RBFOX1: variants seen among roughly 807,000 people sequenced by gnomAD.
The protein encoded by RBFOX1 is RNA binding fox-1 homolog 1.
RBFOX1 carries 8 observed loss-of-function variants against 57.7 expected under a neutral mutation model. The observed-to-expected ratio is 0.14, with a 90% confidence interval of 0.08 to 0.25. The LOEUF is 0.25. Among genes scored for constraint, RBFOX1 ranks in the 10% least tolerant of loss-of-function variants. The probability of loss-of-function intolerance (pLI) is 1.00; values close to 1 mark genes in which losing one functional copy is unlikely to be tolerated. For missense variants in RBFOX1, 611 were observed against 548.5 expected (o/e 1.11, Z -1.14); for synonymous variants, 326 against 222.4 (o/e 1.47, Z -4.15).
rs1048078392 is a variant in RBFOX1 at position 6,240,363 on chromosome 16, G to A, written c.-126-76632G>A. On this transcript the variant is annotated intron_variant, in intron 1 of 15. Coordinates refer to ENST00000550418, the MANE Select transcript of RBFOX1 (RefSeq NM_018723.4). ...AGGTAGTTCTTCAGCTTATCTTAAA[G>A]TAACTGTTGGCTTTCATCTCTGGAT... Among the ~76,000 whole-genome samples, 3 of 152,136 alleles carry A rather than the reference G, an allele frequency of 2.0e-5. No individual in the cohort carries two copies. The East Asian group carries it at 5.8e-4, about 29-fold the overall frequency.
chr16:6,539,887 G>C (rs1209956085), intron 2 of RBFOX1, among the ~76,000 whole-genome samples: 1 of 147,474 alleles, frequency 6.8e-6, no homozygotes, highest in African/African-American at 2.5e-5. Flanking sequence ...TTTTGCTTCT[G>C]CATGAACTTT....
chr16:7,050,231 T>G (rs916786137), intron 3 of RBFOX1, among the ~76,000 whole-genome samples: 10 of 151,058 alleles, frequency 6.6e-5, no homozygotes, highest in African/African-American at 2.4e-4. Flanking sequence ...AGTCTTTTCC[T>G]CTTTAGCTTC....
intron 4 of RBFOX1, among the ~76,000 whole-genome samples, chr16:7,092,333 C>T (rs895772393): frequency 2.6e-5 from 4 of 152,134 alleles, no homozygotes; most frequent in African/African-American, 9.7e-5. Context: ...ATTTCAGATA[C>T]ATTAAAATGT....
intron 4 of RBFOX1, among the ~76,000 whole-genome samples, chr16:7,417,656 C>T (rs561341087): frequency 6.6e-6 from 1 of 152,130 alleles, no homozygotes; most frequent in Non-Finnish European, 1.5e-5. Flanking sequence ...CTAGGCTCTA[C>T]TCTTTCGTCC....
At chr16:6,652,232 C>G (rs930390773) in intron 2 of RBFOX1, among the ~76,000 whole-genome samples, 1 of 152,136 alleles carries the variant, frequency 6.6e-6, no homozygotes, top group African/African-American at 2.4e-5. Flanking sequence ...GGGCAGATCA[C>G]TAGGTCAAGA....
chr16:5,702,514 G>C (rs1182026440), intron 3 of RBFOX1, among the ~76,000 whole-genome samples: 2 of 152,226 alleles, frequency 1.3e-5, no homozygotes, highest in South Asian at 2.1e-4. Flanking sequence ...AAGGATAATT[G>C]CTGTGCAGAT....
intron 1 of RBFOX1, among the ~76,000 whole-genome samples, chr16:5,264,957 T>C (rs1013098640): frequency 3.3e-5 from 5 of 152,170 alleles, no homozygotes; most frequent in African/African-American, 4.8e-5. Flanking sequence ...GAGTTGTTAT[T>C]GCAGCAAAAC....
At chr16:6,105,015 A>C (rs1165920549) in intron 1 of RBFOX1, among the ~76,000 whole-genome samples, 3 of 152,194 alleles carry the variant, frequency 2.0e-5, no homozygotes, top group Non-Finnish European at 2.9e-5. Flanking sequence ...AGAATGGCTA[A>C]TTTGTTGCTT....
At chr16:5,699,998 A>G (rs1009320998) in intron 3 of RBFOX1, among the ~76,000 whole-genome samples, 8 of 151,836 alleles carry the variant, frequency 5.3e-5, no homozygotes, top group Non-Finnish European at 8.8e-5. Context: ...ACGCCCGGCT[A>G]ATTTTTTGTA....
At chr16:6,601,872 G>C (rs1412838476) in intron 2 of RBFOX1, among the ~76,000 whole-genome samples, 1 of 152,202 alleles carries the variant, frequency 6.6e-6, no homozygotes, top group African/African-American at 2.4e-5. Context: ...GGATGTTAAA[G>C]AGAGGGGTTA....
chr16:7,155,491 G>T (rs1474650751), intron 4 of RBFOX1, among the ~76,000 whole-genome samples: 4 of 151,330 alleles, frequency 2.6e-5, no homozygotes, highest in Non-Finnish European at 5.9e-5. Flanking sequence ...AGCTCCTTGG[G>T]AGGCTAAAAT....
chr16:5,956,724 A>C (rs2059651230), intron 4 of RBFOX1, among the ~76,000 whole-genome samples: 1 of 139,578 alleles, frequency 7.2e-6, no homozygotes, highest in Non-Finnish European at 1.5e-5. Context: ...GCTGGAGTGC[A>C]CTGGCACAAT....
rs1037895771 is a variant in RBFOX1 at position 6,667,257 on chromosome 16, G to T, written c.-16+12607G>T. ...CACCCTCAGCAGTGCCATGGACACA[G>T]TGGTAACCCAGAGAGTGTAATGAAA... On this transcript the variant is annotated intron_variant, in intron 3 of 15. Transcript: ENST00000550418. Among the ~76,000 whole-genome samples, 10 of 152,288 alleles carry T rather than the reference G, an allele frequency of 6.6e-5. 1 individual carries two copies. In the Middle Eastern group the frequency reaches 0.01, roughly 155 times the overall value.
intron 14 of RBFOX1, among the ~76,000 whole-genome samples, chr16:7,684,250 G>T (rs1405119585): frequency 6.6e-6 from 1 of 151,980 alleles, no homozygotes; most frequent in Non-Finnish European, 1.5e-5. Context: ...ACAATGCTTG[G>T]TTCCTGTGGA....
chr16:7,495,018 T>C (rs922740648), intron 4 of RBFOX1, among the ~76,000 whole-genome samples: 4 of 152,172 alleles, frequency 2.6e-5, no homozygotes, highest in African/African-American at 9.7e-5. Flanking sequence ...CCCTTATTTA[T>C]GACCGTGTGT....
At position 7,195,282 on chromosome 16, in the gene RBFOX1, C is replaced by T. The variant is rs1239655724; in HGVS notation, c.27+143184C>T. On this transcript the variant is annotated intron_variant, in intron 4 of 15. Coordinates refer to ENST00000550418, the MANE Select transcript of RBFOX1 (RefSeq NM_018723.4). ...CCTCATTCTCTTAAATTAATTTCAT[C>T]ACACAGGCTTGCAAAATAAGGCTTC... Among the ~76,000 whole-genome samples the T allele has an allele frequency of 2.6e-5, 4 of 152,158 alleles. No homozygotes were observed. The East Asian group carries it at 5.8e-4, about 22-fold the overall frequency.
intron 3 of RBFOX1, among the ~76,000 whole-genome samples, chr16:6,917,348 A>T (rs562448314): frequency 6.6e-6 from 1 of 152,232 alleles, no homozygotes; most frequent in Admixed American, 6.5e-5. Context: ...TGAAATCAGT[A>T]TATGGGATTG....
chr16:6,911,674 A>G (rs772392568), intron 3 of RBFOX1, among the ~76,000 whole-genome samples: 1 of 152,206 alleles, frequency 6.6e-6, no homozygotes, highest in African/African-American at 2.4e-5. Context: ...ACAAAGTTCA[A>G]TCCATAGCAG....
At chr16:7,198,881 T>C (rs569282135) in intron 4 of RBFOX1, among the ~76,000 whole-genome samples, 1 of 152,306 alleles carries the variant, frequency 6.6e-6, no homozygotes, top group African/African-American at 2.4e-5. Flanking sequence ...AAATATAGTG[T>C]TGGTTCCCAG....
Sources: allele counts gnomAD v4.1 joint callset (sites outside exome capture counted in the v4.1 genomes callset), GRCh38; gene constraint gnomAD v4.1.1; transcripts MANE v1.5; gene names NCBI Gene and HGNC (gene_info 2026-07-23, HGNC 2026-07-21).